PLD5: variants seen among roughly 807,000 people sequenced by gnomAD.
PLD5 encodes the protein phospholipase D family member 5.
PLD5 carries 36 observed loss-of-function variants against 61.1 expected under a neutral mutation model. That is an observed-to-expected ratio of 0.59 (90% confidence interval 0.45 to 0.78). The LOEUF (loss-of-function observed/expected upper bound fraction) is 0.78, where lower values mean the gene tolerates loss of function less well. Ranked by LOEUF, PLD5 falls within the 30% of genes least tolerant of loss-of-function variation. PLD5 has a pLI of 0.00. For missense variants in PLD5, 515 were observed against 644.4 expected (o/e 0.80, Z 2.17); for synonymous variants, 243 against 242.8 (o/e 1.00, Z -0.01).
At chr1:242,377,410 TG>T in intron 1 of PLD5, 2 of 1,087,676 alleles carry the variant, frequency 1.8e-6, no homozygotes, top group Non-Finnish European at 2.8e-6. Context: ...CGCTTGGGAC[TG>T]GGGACCTTGG....
At chr1:242,248,733 G>A (rs1672531453) in intron 4 of PLD5, among the ~76,000 whole-genome samples, 1 of 152,014 alleles carries the variant, frequency 6.6e-6, no homozygotes, top group Non-Finnish European at 1.5e-5. Context: ...TTGGTAGCAT[G>A]TACTCTTTCC....
At chr1:242,282,001 T>C (rs1272509786) in intron 3 of PLD5, among the ~76,000 whole-genome samples, 3 of 152,190 alleles carry the variant, frequency 2.0e-5, no homozygotes, top group South Asian at 2.1e-4. Flanking sequence ...CCCCTTCTAA[T>C]TGTACACAGT....
At chr1:242,449,360 G>T in intron 1 of PLD5, 2 of 1,536,040 alleles carry the variant, frequency 1.3e-6, no homozygotes, top group South Asian at 1.2e-5. Flanking sequence ...TTACCATTGC[G>T]ACCAATCTTC....
chr1:242,524,719 G>A (rs1023914640), upstream of PLD5: 11 of 146,520 alleles, frequency 7.5e-5, no homozygotes, highest in African/African-American at 2.5e-4. Context: ...CGGCTCCCGG[G>A]GCGGCGGCGG....
intron 1 of PLD5, among the ~76,000 whole-genome samples, chr1:242,389,888 G>A (rs1042437351): frequency 6.6e-6 from 1 of 151,964 alleles, no homozygotes; most frequent in Non-Finnish European, 1.5e-5. Flanking sequence ...AGCTAAAGAG[G>A]CCATATAATC....
chr1:242,429,241 C>T (rs1309204757), intron 1 of PLD5, among the ~76,000 whole-genome samples: 4 of 152,138 alleles, frequency 2.6e-5, no homozygotes, highest in African/African-American at 7.2e-5. Context: ...TTAACATCTG[C>T]CAAAGAGCAA....
intron 6 of PLD5, among the ~76,000 whole-genome samples, chr1:242,118,659 A>T (rs1662133294): frequency 6.6e-6 from 1 of 152,212 alleles, no homozygotes; most frequent in Non-Finnish European, 1.5e-5. Flanking sequence ...GTGTCAACAG[A>T]TGTTTATAAG....
chr1:242,090,442 A>T (rs1659730070), intron 9 of PLD5, among the ~76,000 whole-genome samples: 1 of 152,226 alleles, frequency 6.6e-6, no homozygotes, highest in Admixed American at 6.5e-5. Context: ...ATAGGGATTC[A>T]TTTAAAAATC....
At chr1:242,245,411 C>T (rs1376157267) in intron 4 of PLD5, among the ~76,000 whole-genome samples, 1 of 152,198 alleles carries the variant, frequency 6.6e-6, no homozygotes, top group East Asian at 1.9e-4. Flanking sequence ...TAATTAGATT[C>T]ATTCATCAGC....
chr1:242,133,823 G>T (rs1663495220), intron 5 of PLD5, among the ~76,000 whole-genome samples: 1 of 152,190 alleles, frequency 6.6e-6, no homozygotes, highest in Non-Finnish European at 1.5e-5. Flanking sequence ...GAATATTAAT[G>T]GGAGGAATCT....
chr1:242,190,479 C>T (rs534366407), intron 5 of PLD5, among the ~76,000 whole-genome samples: 1 of 151,954 alleles, frequency 6.6e-6, no homozygotes, highest in Non-Finnish European at 1.5e-5. Flanking sequence ...AGGTGCTCCT[C>T]AGGGATGTGA....
At chr1:242,136,896 C>T (rs1249903727) in intron 5 of PLD5, among the ~76,000 whole-genome samples, 1 of 152,174 alleles carries the variant, frequency 6.6e-6, no homozygotes, top group Non-Finnish European at 1.5e-5. Context: ...CCAATAGCTG[C>T]TTGGCAAATG....
intron 1 of PLD5, among the ~76,000 whole-genome samples, chr1:242,447,209 G>A (rs1666579797): frequency 6.6e-6 from 1 of 152,156 alleles, no homozygotes; most frequent in Non-Finnish European, 1.5e-5. Context: ...CTTTAAATTT[G>A]TAAATAAAAT....
Position 242,508,249 on chromosome 1 carries a change from T to A in PLD5, c.189+15839A>T, listed in dbSNP as rs527474351. ...TTAGCTGGGCATGGTGGTGGGCACCTGTAATCCCAGCTACTTGAGAGGCTG... is the reference window on the plus strand; with the variant it reads ...TTAGCTGGGCATGGTGGTGGGCACCAGTAATCCCAGCTACTTGAGAGGCTG... On this transcript the variant is annotated intron_variant, in intron 1 of 9. Transcript: ENST00000536534. Among the ~76,000 whole-genome samples the A allele has an allele frequency of 7.2e-5, 11 of 151,846 alleles. No individual in the cohort carries two copies. In the South Asian group the frequency reaches 2.3e-3, roughly 32 times the overall value.
intron 1 of PLD5, among the ~76,000 whole-genome samples, chr1:242,432,405 C>A (rs549945944): frequency 6.6e-6 from 1 of 152,300 alleles, no homozygotes; most frequent in South Asian, 2.1e-4. Flanking sequence ...GTAGGGGACA[C>A]TCCTTGTGAA....
At chr1:242,245,356 T>C (rs1210137134) in intron 4 of PLD5, among the ~76,000 whole-genome samples, 1 of 152,246 alleles carries the variant, frequency 6.6e-6, no homozygotes, top group Non-Finnish European at 1.5e-5. Context: ...TAGACTTCAT[T>C]TTCAAAAGCT....
intron 2 of PLD5, among the ~76,000 whole-genome samples, chr1:242,309,560 G>C (rs1676576025): frequency 6.6e-6 from 1 of 151,834 alleles, no homozygotes; most frequent in Admixed American, 6.6e-5. Context: ...TTTTAGTAGA[G>C]ATCGGGTTTC....
intron 5 of PLD5, among the ~76,000 whole-genome samples, chr1:242,191,527 A>C (rs1412602011): frequency 1.3e-5 from 2 of 150,398 alleles, no homozygotes; most frequent in African/African-American, 2.4e-5. Context: ...GGGAAGTTGC[A>C]GTGAGCCAAG....
At chr1:242,107,990 C>G (rs143511475) in intron 7 of PLD5, 151 bp from the exon 8 acceptor site, 4 of 749,304 alleles carry the variant, frequency 5.3e-6, no homozygotes, top group Non-Finnish European at 4.0e-6. Flanking sequence ...GAAAAACATA[C>G]AAGCATCTTA....
Sources: allele counts gnomAD v4.1 joint callset (sites outside exome capture counted in the v4.1 genomes callset), GRCh38; gene constraint gnomAD v4.1.1; transcripts MANE v1.5; gene names NCBI Gene and HGNC (gene_info 2026-07-23, HGNC 2026-07-21).